The following NTRK2 variants were observed in gnomAD, a reference collection of about 807,000 sequenced individuals.
NTRK2 encodes the protein BDNF/NT-3 growth factors receptor.
In NTRK2, 13 loss-of-function variants were observed where a neutral mutation model predicts 94.5. The ratio of observed to expected loss-of-function variants is 0.14; its 90% CI spans 0.09 to 0.22. The LOEUF (loss-of-function observed/expected upper bound fraction) is 0.22, where lower values mean the gene tolerates loss of function less well. NTRK2 is among the 10% of genes least tolerant of loss of function. The pLI, the probability that NTRK2 is intolerant of heterozygous loss-of-function variation, is 1.00. For missense variants in NTRK2, 639 were observed against 1,071.2 expected (o/e 0.60, Z 5.63); for synonymous variants, 372 against 407.4 (o/e 0.91, Z 1.05).
chr9:84,803,047 C>T (rs1265976686), intron 12 of NTRK2, among the ~76,000 whole-genome samples: 2 of 152,118 alleles, frequency 1.3e-5, no homozygotes, highest in Non-Finnish European at 1.5e-5. Flanking sequence ...AATTAATGCC[C>T]CAGGTGGACT....
At chr9:85,002,425 C>T (rs548358095) in intron 17 of NTRK2, among the ~76,000 whole-genome samples, 19 of 152,302 alleles carry the variant, frequency 1.2e-4, no homozygotes, top group South Asian at 4.1e-4. Context: ...TGTCTCTTGG[C>T]GGCATTTTAC....
intron 17 of NTRK2, among the ~76,000 whole-genome samples, chr9:84,956,108 G>C (rs1824090330): frequency 3.9e-5 from 6 of 152,212 alleles, no homozygotes. Context: ...CTTTGATTCT[G>C]TGAAAGTATG....
chr9:84,882,593 A>T (rs1028701058), intron 14 of NTRK2, among the ~76,000 whole-genome samples: 1 of 152,140 alleles, frequency 6.6e-6, no homozygotes, highest in African/African-American at 2.4e-5. Context: ...GTATCTATTT[A>T]TCCTTAACCC....
At chr9:84,933,557 T>C (rs1405561387) in intron 14 of NTRK2, among the ~76,000 whole-genome samples, 5 of 152,230 alleles carry the variant, frequency 3.3e-5, no homozygotes, top group Admixed American at 3.3e-4. Flanking sequence ...CTAAGGAAGC[T>C]AGTCCTTAAT....
intron 4 of NTRK2, among the ~76,000 whole-genome samples, chr9:84,707,448 A>G (rs1349928894): frequency 1.3e-5 from 2 of 152,132 alleles, no homozygotes; most frequent in East Asian, 3.8e-4. Context: ...GATGCTCTTT[A>G]GTTTTAAGGC....
At chr9:84,988,443 CAA>C (rs201711282) in intron 17 of NTRK2, among the ~76,000 whole-genome samples, 2,864 of 152,258 alleles carry the variant, frequency 0.019, 51 homozygotes, top group Middle Eastern at 0.044. Flanking sequence ...CTCTTTCACA[CAA>C]ACACACACAC....
At chr9:84,883,958 C>T (rs900001280) in intron 14 of NTRK2, among the ~76,000 whole-genome samples, 8 of 152,076 alleles carry the variant, frequency 5.3e-5, no homozygotes, top group African/African-American at 1.9e-4. Context: ...TAATTTAGTA[C>T]TTAGTATAAG....
At position 84,875,813 on chromosome 9, in the gene NTRK2, T is replaced by C. The variant is rs201026151; in HGVS notation, c.1633+8382T>C. On this transcript the variant is annotated intron_variant, in intron 14 of 18. Transcript: ENST00000277120. ...TCAGGCCTCTAGACCTAGACTGGGG[T>C]TCTGGCAAGGAGGCCTCTATCAATA... is the stretch of plus-strand genomic sequence containing the variant. The C allele has an allele frequency of 1.5e-5, 16 of 1,047,842 alleles. No homozygotes were observed. The South Asian group carries it at 7.3e-4, about 48-fold the overall frequency. The allele number at this position is 1,047,842 out of a possible 1,614,324, so 64.9% of individuals were successfully genotyped here.
At chr9:85,006,695 T>TGTG (rs1831007968) in intron 17 of NTRK2, among the ~76,000 whole-genome samples, 1 of 150,844 alleles carries the variant, frequency 6.6e-6, no homozygotes, top group Admixed American at 6.6e-5. Context: ...GGGGTCACTT[T>TGTG]GGCTCATTCA....
intron 17 of NTRK2, among the ~76,000 whole-genome samples, chr9:84,981,859 A>G (rs929802035): frequency 1.3e-5 from 2 of 152,236 alleles, no homozygotes; most frequent in African/African-American, 4.8e-5. Context: ...GTCTATGCAG[A>G]CAAATAGTTA....
At chr9:84,691,478 T>C (rs1240918398) in intron 2 of NTRK2, among the ~76,000 whole-genome samples, 1 of 152,138 alleles carries the variant, frequency 6.6e-6, no homozygotes, top group Non-Finnish European at 1.5e-5. Context: ...TTTGAAGTTG[T>C]CTCCTTTGAC....
Position 85,022,838 on chromosome 9 carries a change from C to G in NTRK2, c.*1401C>G, listed in dbSNP as rs1341997683. 1 of 233,114 alleles carries G rather than the reference C, an allele frequency of 4.3e-6. No individual in the cohort carries two copies. The highest frequency in any genetic ancestry group is 8.5e-6 in the Non-Finnish European group (1 of 118,086). 14.4% of individuals were successfully genotyped at this position (233,114 alleles called of 1,614,324 possible). A position where few individuals can be genotyped will look rare whatever the true frequency, so the allele number is the denominator to read the frequency against. On this transcript the variant is annotated 3_prime_UTR_variant, in exon 19 of 19. Transcript: ENST00000277120. The stretch of plus-strand genomic sequence containing the variant: ...GACCCTGAAGCCTGGAAATCCTCAT[C>G]CACGTCGAACCCACAGGACTGTGGG...
intron 12 of NTRK2, among the ~76,000 whole-genome samples, chr9:84,801,355 G>A (rs1293094196): frequency 2.0e-5 from 3 of 152,194 alleles, no homozygotes; most frequent in East Asian, 1.9e-4. Context: ...CACGAAATGC[G>A]TGGAATGACT....
intron 14 of NTRK2, among the ~76,000 whole-genome samples, chr9:84,903,662 T>G (rs1015700600): frequency 2.4e-4 from 36 of 152,276 alleles, no homozygotes; most frequent in African/African-American, 8.2e-4. Context: ...GTCTCTATTC[T>G]TTTCTTTTCT....
At chr9:84,734,867 G>A (rs528531755) in intron 9 of NTRK2, among the ~76,000 whole-genome samples, 1 of 152,104 alleles carries the variant, frequency 6.6e-6, no homozygotes, top group Non-Finnish European at 1.5e-5. Flanking sequence ...AGCCCTTTAA[G>A]GAGAAAATTA....
At chr9:84,917,333 C>T (rs535511965) in intron 14 of NTRK2, among the ~76,000 whole-genome samples, 18 of 152,174 alleles carry the variant, frequency 1.2e-4, no homozygotes, top group South Asian at 8.3e-4. Flanking sequence ...ATGATCGTTT[C>T]TGGGTTTCTG....
intron 14 of NTRK2, among the ~76,000 whole-genome samples, chr9:84,885,461 A>G (rs974060972): frequency 1.3e-5 from 2 of 152,226 alleles, no homozygotes; most frequent in African/African-American, 2.4e-5. Flanking sequence ...TGTTCTTTGT[A>G]TGGTAATAAA....
chr9:84,990,615 G>T (rs1003972694), intron 17 of NTRK2, among the ~76,000 whole-genome samples: 1 of 152,184 alleles, frequency 6.6e-6, no homozygotes, highest in Non-Finnish European at 1.5e-5. Flanking sequence ...ATTGTGGTCA[G>T]CCTTTAGAAA....
intron 12 of NTRK2, among the ~76,000 whole-genome samples, chr9:84,816,853 C>T (rs2072452510): frequency 6.6e-6 from 1 of 151,670 alleles, no homozygotes; most frequent in Non-Finnish European, 1.5e-5. Context: ...TTTCCAAACT[C>T]CCTTCTCCAT....
Sources: allele counts gnomAD v4.1 joint callset (sites outside exome capture counted in the v4.1 genomes callset), GRCh38; gene constraint gnomAD v4.1.1; transcripts MANE v1.5; gene names NCBI Gene and HGNC (gene_info 2026-07-23, HGNC 2026-07-21).